Variants in MTMR14 observed in about 807,000 individuals in gnomAD.
MTMR14 encodes myotubularin related protein 14, also known as phosphatidylinositol-3,5-bisphosphate 3-phosphatase MTMR14.
A neutral mutation model predicts 86.3 loss-of-function variants in MTMR14; 48 were observed. That is an observed-to-expected ratio of 0.56 (90% CI 0.44 to 0.71). The LOEUF (loss-of-function observed/expected upper bound fraction) is 0.71, where lower values mean the gene tolerates loss of function less well. MTMR14 is among the 30% of genes least tolerant of loss of function. MTMR14 has a pLI of 0.00. For synonymous variants in MTMR14, 366 were observed against 326.1 expected, an observed-to-expected ratio of 1.12 and a Z score of -1.32; for missense variants, 780 against 834.6, an observed-to-expected ratio of 0.93 and a Z score of 0.81.
At chr3:9,659,745 A>G (rs1024454808) in intron 2 of MTMR14, 5 of 456,354 alleles carry the variant, frequency 1.1e-5, no homozygotes, top group African/African-American at 1.0e-4. Flanking sequence ...CCTGGCCAGA[A>G]ACTGAATTGG....
intron 14 of MTMR14, 38 bp from the exon 15 acceptor site, chr3:9,688,658 A>G: frequency 1.4e-5 from 22 of 1,613,246 alleles, no homozygotes; most frequent in Non-Finnish European, 1.9e-5. Flanking sequence ...AAGACCCCAG[A>G]TAGATCTGGA....
At chr3:9,680,567 C>CG (rs2075727828) in intron 9 of MTMR14, among the ~76,000 whole-genome samples, 1 of 152,208 alleles carries the variant, frequency 6.6e-6, no homozygotes, top group South Asian at 2.1e-4. Flanking sequence ...AGCCCATGGC[C>CG]GGGCACGGTG....
chr3:9,687,018 C>T (rs2075981454), intron 13 of MTMR14, among the ~76,000 whole-genome samples: 1 of 152,218 alleles, frequency 6.6e-6, no homozygotes, highest in Non-Finnish European at 1.5e-5. Flanking sequence ...CAGTGGCTGC[C>T]CACACCCGCA....
chr3:9,650,265 C>G (rs557048922), intron 1 of MTMR14: 473 of 455,506 alleles, frequency 1.0e-3, no homozygotes, highest in Non-Finnish European at 1.8e-3. Flanking sequence ...CACTCCCTTT[C>G]AGTTCCTTTA....
At chr3:9,654,147 A>G (rs2124945612) in intron 2 of MTMR14, among the ~76,000 whole-genome samples, 1 of 152,306 alleles carries the variant, frequency 6.6e-6, no homozygotes, top group African/African-American at 2.4e-5. Context: ...TAAGGTCTAG[A>G]GTCAGACTGC....
At chr3:9,693,401 AC>A (rs1319626120) in intron 17 of MTMR14, among the ~76,000 whole-genome samples, 2 of 152,082 alleles carry the variant, frequency 1.3e-5, no homozygotes, top group Admixed American at 6.5e-5. Context: ...TGTCCCCTAC[AC>A]ATGCAGTTGA....
chr3:9,649,557 C>A lies in MTMR14; in HGVS notation c.-27C>A. Reference sequence around the variant, plus strand: ...GCAGGTGCCATGGGCCCGCTTGAGGCACACTGAGGGGACGCGGGGCTGGGC... The same window carrying A: ...GCAGGTGCCATGGGCCCGCTTGAGGAACACTGAGGGGACGCGGGGCTGGGC... On this transcript the variant is annotated 5_prime_UTR_variant, in exon 1 of 19. Coordinates refer to ENST00000296003, the MANE Select transcript of MTMR14 (RefSeq NM_001077525.3). 2 of 1,530,200 alleles carry A rather than the reference C, an allele frequency of 1.3e-6. No homozygotes were observed. Among genetic ancestry groups the A allele is most frequent in the Non-Finnish European group, 8.8e-7 (1 of 1,139,510 alleles). The allele number at this position is 1,530,200 out of a possible 1,614,324, so 94.8% of individuals were successfully genotyped here.
chr3:9,683,169 C>G lies in MTMR14; in HGVS notation c.898-9C>G, dbSNP rs368155257. On this transcript the variant is annotated splice_polypyrimidine_tract_variant and intron_variant, in intron 9 of 18. Coordinates refer to ENST00000296003, the MANE Select transcript of MTMR14 (RefSeq NM_001077525.3). ...TTAATGTCCATTTCTTCTCACTTTTCTCCAACAGTGTTGGGATCTGGTGCA... is the reference window on the plus strand; with the variant it reads ...TTAATGTCCATTTCTTCTCACTTTTGTCCAACAGTGTTGGGATCTGGTGCA... 6.2e-6 allele frequency: 10 copies of G among 1,613,474 alleles called. No homozygotes were observed. Among genetic ancestry groups the G allele is most frequent in the South Asian group, 4.4e-5 (4 of 91,042 alleles).
At position 9,671,716 on chromosome 3, in the gene MTMR14, CT is replaced by C. The variant is rs543585108; in HGVS notation, c.677+547del. Among the ~76,000 whole-genome samples the C allele has an allele frequency of 1.4e-4, 21 of 152,234 alleles. No individual in the cohort carries two copies. In the East Asian group the frequency reaches 4.0e-3, roughly 29 times the overall value. On this transcript the variant is annotated intron_variant, in intron 6 of 18. Transcript: ENST00000296003. ...TATTCAAATTTTACTTCAGTGACTG[CT>C]GTCATATAAAAATAACACATATGGA...
At chr3:9,690,454 AC>A (rs759954287) in intron 17 of MTMR14, among the ~76,000 whole-genome samples, 2 of 152,092 alleles carry the variant, frequency 1.3e-5, no homozygotes, top group Non-Finnish European at 2.9e-5. Flanking sequence ...TCCTAGGCGC[AC>A]CTCCCATTGT....
chr3:9,692,791 C>T (rs2076174549), intron 17 of MTMR14, among the ~76,000 whole-genome samples: 1 of 152,202 alleles, frequency 6.6e-6, no homozygotes, highest in South Asian at 2.1e-4. Flanking sequence ...CTCTGCTGCC[C>T]AGTTAGCTAC....
At chr3:9,674,465 G>A (rs2048742582) in intron 7 of MTMR14, among the ~76,000 whole-genome samples, 1 of 152,234 alleles carries the variant, frequency 6.6e-6, no homozygotes. Flanking sequence ...ACATCCCTCA[G>A]TAGAATGAAA....
intron 2 of MTMR14, among the ~76,000 whole-genome samples, chr3:9,656,575 C>G (rs1317913915): frequency 6.6e-6 from 1 of 152,072 alleles, no homozygotes; most frequent in Non-Finnish European, 1.5e-5. Context: ...GTGTGTGGCA[C>G]CACACCTGGC....
At chr3:9,672,241 G>A (rs1309674377) in intron 6 of MTMR14, among the ~76,000 whole-genome samples, 1 of 152,046 alleles carries the variant, frequency 6.6e-6, no homozygotes, top group East Asian at 1.9e-4. Context: ...GGCAGAGAAG[G>A]TAGAGTTCTT....
chr3:9,687,294 G>A (rs953277079), intron 13 of MTMR14, among the ~76,000 whole-genome samples: 2 of 152,228 alleles, frequency 1.3e-5, no homozygotes, highest in East Asian at 1.9e-4. Flanking sequence ...GGTGGTTGAC[G>A]CCTGTAATCC....
intron 3 of MTMR14, among the ~76,000 whole-genome samples, chr3:9,665,792 G>A (rs543758215): frequency 2.0e-5 from 3 of 148,186 alleles, no homozygotes; most frequent in South Asian, 2.1e-4. Flanking sequence ...GCAGTGGCGC[G>A]ATCTCAGCTC....
intron 3 of MTMR14, among the ~76,000 whole-genome samples, chr3:9,666,133 G>GTTTTT (rs1241278468): frequency 6.0e-5 from 7 of 117,292 alleles, no homozygotes; most frequent in Non-Finnish European, 7.1e-5. Context: ...AAGTTTGTTG[G>GTTTTT]TTTTTTTTTT....
chr3:9,667,084 T>G (rs2048296549), intron 3 of MTMR14, among the ~76,000 whole-genome samples: 1 of 152,112 alleles, frequency 6.6e-6, no homozygotes, highest in Admixed American at 6.6e-5. Context: ...GAAGAATAAT[T>G]GGGAACAGAA....
intron 3 of MTMR14, among the ~76,000 whole-genome samples, chr3:9,667,230 G>A (rs2048304816): frequency 6.6e-6 from 1 of 152,202 alleles, no homozygotes; most frequent in Non-Finnish European, 1.5e-5. Flanking sequence ...TGATACAAAT[G>A]CCAGTGGAAC....
Sources: gnomAD v4.1 joint callset for allele counts (sites outside exome capture counted in the v4.1 genomes callset) on GRCh38, gnomAD v4.1.1 for gene constraint, MANE v1.5 for transcripts, NCBI Gene and HGNC (gene_info 2026-07-23, HGNC 2026-07-21) for gene names.